Variants in MYO3B observed in about 807,000 individuals in gnomAD.
MYO3B encodes myosin IIIB.
Under a neutral mutation model 174.6 loss-of-function variants are expected in MYO3B, and 156 were observed. That is an observed-to-expected ratio of 0.89 (90% CI 0.78 to 1.02). MYO3B has a LOEUF of 1.02. MYO3B is among the 50% of genes least tolerant of loss of function. The probability of loss-of-function intolerance (pLI) is 0.00; values close to 1 mark genes in which losing one functional copy is unlikely to be tolerated. For synonymous variants in MYO3B, 563 were observed against 569.1 expected (o/e 0.99, Z 0.15); for missense variants, 1,632 against 1,639.4 (o/e 1.00, Z 0.08).
intron 32 of MYO3B, among the ~76,000 whole-genome samples, chr2:170,606,111 G>A (rs568140065): frequency 6.6e-5 from 10 of 152,048 alleles, no homozygotes; most frequent in Non-Finnish European, 1.2e-4. Context: ...GTGTCAGTAC[G>A]TATATGGGAC....
At position 170,607,371 on chromosome 2, in the gene MYO3B, C is replaced by T. The variant is rs918328461; in HGVS notation, c.3734-44257C>T. Among the ~76,000 whole-genome samples, 11 of 152,348 alleles carry T rather than the reference C, an allele frequency of 7.2e-5. No individual in the cohort carries two copies. In the South Asian group the frequency reaches 1.0e-3, roughly 14 times the overall value. On this transcript the variant is annotated intron_variant, in intron 32 of 34. Coordinates refer to ENST00000408978, the MANE Select transcript of MYO3B (RefSeq NM_138995.5). ...TGTGCTATACTACATGGGTCAGCTG[C>T]GGCTCTGCTCTGTGTCCTCTTCACT...
chr2:170,385,586 T>A (rs1399174848), intron 12 of MYO3B, among the ~76,000 whole-genome samples: 4 of 152,024 alleles, frequency 2.6e-5, no homozygotes, highest in Non-Finnish European at 5.9e-5. Flanking sequence ...AACAATACAA[T>A]AAAAAATGGG....
At chr2:170,345,097 G>A (rs569200418) in intron 8 of MYO3B, 21 of 152,262 alleles carry the variant, frequency 1.4e-4, no homozygotes, top group African/African-American at 4.8e-4. Context: ...CCACTGTGGC[G>A]CTTCCACAGG....
At chr2:170,302,497 T>C (rs1256873893) in intron 7 of MYO3B, among the ~76,000 whole-genome samples, 2 of 152,182 alleles carry the variant, frequency 1.3e-5, no homozygotes, top group African/African-American at 4.8e-5. Flanking sequence ...GCATGAGATT[T>C]TGAAGGAACT....
chr2:170,637,193 A>G (rs1464971728), intron 32 of MYO3B, among the ~76,000 whole-genome samples: 8 of 122,988 alleles, frequency 6.5e-5, no homozygotes, highest in African/African-American at 9.4e-5. Flanking sequence ...TTTTTTTTAG[A>G]TGGAGTATCA....
chr2:170,557,844 G>A (rs192531078), intron 32 of MYO3B, among the ~76,000 whole-genome samples: 1 of 152,212 alleles, frequency 6.6e-6, no homozygotes, highest in East Asian at 1.9e-4. Flanking sequence ...GTTTCCAGCC[G>A]TCTGCCCATT....
At chr2:170,380,540 A>C (rs1007473471) in intron 9 of MYO3B, among the ~76,000 whole-genome samples, 1 of 152,194 alleles carries the variant, frequency 6.6e-6, no homozygotes, top group African/African-American at 2.4e-5. Flanking sequence ...CTTCTAGCCA[A>C]TGCTTTCCTC....
chr2:170,649,420 AATAT>A (rs1277108409), intron 32 of MYO3B, among the ~76,000 whole-genome samples: 2 of 82,026 alleles, frequency 2.4e-5, no homozygotes, highest in Non-Finnish European at 4.8e-5. Flanking sequence ...TTACATATAA[AATAT>A]ATATAATATA....
chr2:170,466,844 TTGCTTGAA>T, intron 25 of MYO3B, 133 bp downstream of exon 25: 1 of 907,260 alleles, frequency 1.1e-6, no homozygotes, highest in South Asian at 1.8e-5. Context: ...TACCATTTAC[TTGCTTGAA>T]TGTTGCATTT....
intron 34 of MYO3B, among the ~76,000 whole-genome samples, chr2:170,652,477 T>C (rs931929222): frequency 6.6e-6 from 1 of 152,182 alleles, no homozygotes; most frequent in Non-Finnish European, 1.5e-5. Flanking sequence ...CTCTACGAAG[T>C]ACAAATAGGC....
In MYO3B at chr2:170,404,428, T is replaced by A. The variant is rs183335456; in HGVS notation, c.2431+28T>A. The A allele has an allele frequency of 1.1e-5, 17 of 1,583,988 alleles. No individual in the cohort carries two copies. The African/African-American group carries it at 2.2e-4, about 20-fold the overall frequency. ...AGGTAACTTCTGAGAAACAGGCATA[T>A]ACATTTAGAACAAAACTTGGCTTGT... On this transcript the variant is annotated intron_variant, in intron 20 of 34. Coordinates refer to ENST00000408978, the MANE Select transcript of MYO3B (RefSeq NM_138995.5).
intron 32 of MYO3B, among the ~76,000 whole-genome samples, chr2:170,649,617 A>C (rs913343757): frequency 6.7e-6 from 1 of 150,332 alleles, no homozygotes; most frequent in Non-Finnish European, 1.5e-5. Context: ...ACTTGAGGCT[A>C]GGAGTTCGAG....
At chr2:170,201,453 CAT>C (rs1397154936) in intron 3 of MYO3B, among the ~76,000 whole-genome samples, 48 of 152,292 alleles carry the variant, frequency 3.2e-4, no homozygotes, top group Non-Finnish European at 1.3e-4. Flanking sequence ...CTCTTGTCCA[CAT>C]GTTTCTGGCT....
At chr2:170,326,910 G>T (rs1043462189) in intron 7 of MYO3B, among the ~76,000 whole-genome samples, 3 of 152,234 alleles carry the variant, frequency 2.0e-5, no homozygotes, top group African/African-American at 7.2e-5. Context: ...GCAGATTGGT[G>T]CTGGGCTGGA....
At position 170,498,669 on chromosome 2, in the gene MYO3B, C is replaced by A. The variant is rs767483046; in HGVS notation, c.3092C>A (p.Ser1031Tyr). ...KESCVAILEK[S>Y]RLDHWVLGKT... ...AGCTGTGTGGCTATCTTGGAAAAGT[C>A]CAGATTAGATCACTGGGTACTGGGA... Residue 1031 changes from serine to tyrosine, a missense_variant, in exon 26 of 35, where the codon TCC (serine) becomes TAC (tyrosine). Transcript: ENST00000408978. 3 of 1,613,692 alleles carry A rather than the reference C, an allele frequency of 1.9e-6. No homozygotes were observed. The highest frequency in any genetic ancestry group is 1.1e-5 in the South Asian group (1 of 91,044).
intron 3 of MYO3B, among the ~76,000 whole-genome samples, chr2:170,201,222 A>T (rs542497423): frequency 2.4e-4 from 36 of 152,340 alleles, no homozygotes; most frequent in African/African-American, 7.7e-4. Context: ...CTAAAATGAC[A>T]AGGAAAATAA....
chr2:170,475,516 A>G (rs555966378), intron 25 of MYO3B, among the ~76,000 whole-genome samples: 5 of 152,146 alleles, frequency 3.3e-5, no homozygotes, highest in Non-Finnish European at 7.4e-5. Flanking sequence ...TGGCCTCCCA[A>G]AGTGCTGGGA....
intron 7 of MYO3B, among the ~76,000 whole-genome samples, chr2:170,307,314 CTT>C (rs1390607916): frequency 2.7e-5 from 4 of 145,788 alleles, no homozygotes; most frequent in African/African-American, 7.5e-5. Context: ...ATATTATTTG[CTT>C]TTCTCTTGAC....
rs78800296 is a variant in MYO3B, at chr2:170,653,316, A to C, written c.*195A>C. 1 of 631,394 alleles carries C rather than the reference A, an allele frequency of 1.6e-6. No homozygotes were observed. The highest frequency in any genetic ancestry group is 2.9e-5 in the Admixed American group (1 of 34,226). The allele number at this position is 631,394 out of a possible 1,614,324, so 39.1% of individuals were successfully genotyped here. ...TACCACTCTCCCACATGTGTTGTGC[A>C]GCCTGAGCTGGGCGCTGCCTTCCTT... On this transcript the variant is annotated 3_prime_UTR_variant, in exon 35 of 35. Coordinates refer to ENST00000408978, the MANE Select transcript of MYO3B (RefSeq NM_138995.5).
Sources: allele counts gnomAD v4.1 joint callset (sites outside exome capture counted in the v4.1 genomes callset), GRCh38; gene constraint gnomAD v4.1.1; transcripts MANE v1.5; gene names NCBI Gene and HGNC (gene_info 2026-07-23, HGNC 2026-07-21).